Variants in PDE11A observed in about 807,000 individuals in gnomAD.
PDE11A encodes the protein dual 3',5'-cyclic-AMP and -GMP phosphodiesterase 11A.
In PDE11A, 100 loss-of-function variants were observed where a neutral mutation model predicts 100.5. That is an observed-to-expected ratio of 1.00 (90% CI 0.85 to 1.18). PDE11A has a LOEUF of 1.18. Ranked by LOEUF, PDE11A falls within the 50% of genes most tolerant of loss-of-function variation. PDE11A has a pLI of 0.00. For missense variants in PDE11A, 1,141 were observed against 1,152.6 expected (o/e 0.99, Z 0.15); for synonymous variants, 381 against 420.8 (o/e 0.91, Z 1.16).
At chr2:177,663,175 C>A (rs890986352) in intron 19 of PDE11A, among the ~76,000 whole-genome samples, 34 of 150,934 alleles carry the variant, frequency 2.3e-4, no homozygotes, top group African/African-American at 7.5e-4. Flanking sequence ...GATCCGCACT[C>A]AAAAAGTGCA....
chr2:177,736,803 C>A (rs2081790955), intron 10 of PDE11A, among the ~76,000 whole-genome samples: 2 of 152,202 alleles, frequency 1.3e-5, no homozygotes, highest in Non-Finnish European at 2.9e-5. Flanking sequence ...TTCACCAGCT[C>A]TTCCTCCCAT....
chr2:177,990,879 A>C (rs977133973), intron 2 of PDE11A, among the ~76,000 whole-genome samples: 1 of 150,854 alleles, frequency 6.6e-6, no homozygotes, highest in Non-Finnish European at 1.5e-5. Flanking sequence ...CTGCAGTCCC[A>C]GCTACTTGGG....
At chr2:177,797,169 C>T (rs1327723873) in intron 9 of PDE11A, 1 of 152,200 alleles carries the variant, frequency 6.6e-6, no homozygotes, top group Non-Finnish European at 1.5e-5. Context: ...TACCTTGGCT[C>T]TCCTCCCACT....
intron 4 of PDE11A, among the ~76,000 whole-genome samples, chr2:177,878,136 A>C (rs2084270750): frequency 6.6e-6 from 1 of 152,230 alleles, no homozygotes; most frequent in Non-Finnish European, 1.5e-5. Flanking sequence ...ACAATAGCTC[A>C]ACTGCAAGGA....
chr2:177,769,337 C>T lies in PDE11A; in HGVS notation c.1774G>A (p.Val592Ile), dbSNP rs1307070302. The T allele has an allele frequency of 6.3e-7, 1 of 1,599,650 alleles. No individual in the cohort carries two copies. The highest frequency in any genetic ancestry group is 1.3e-5 in the African/African-American group (1 of 74,562). The change falls in exon 10 of 20, where the codon GTT (valine) becomes ATT (isoleucine). Residue 592 changes from valine (V) to isoleucine (I), a missense_variant. By Grantham distance (29) the Val-to-Ile change is conservative (BLOSUM62 3). Coordinates refer to ENST00000286063, the MANE Select transcript of PDE11A (RefSeq NM_016953.4). Reference sequence around the variant, plus strand: ...TTCTTCCTTACCTTAAACTTGTCAACTTCAGCTTTTGAACATGTTGCATGG... The same window carrying T: ...TTCTTCCTTACCTTAAACTTGTCAATTTCAGCTTTTGAACATGTTGCATGG... ...SYHATCSKAE[V>I]DKFKAANIPL... is the part of the protein sequence containing the mutation.
intron 19 of PDE11A, among the ~76,000 whole-genome samples, chr2:177,633,063 T>A (rs2079979607): frequency 6.6e-6 from 1 of 152,364 alleles, no homozygotes; most frequent in South Asian, 2.1e-4. Flanking sequence ...AGTTGTGAGA[T>A]TATTAGCCTA....
chr2:177,942,039 C>G (rs1390115408), intron 2 of PDE11A, among the ~76,000 whole-genome samples: 1 of 152,152 alleles, frequency 6.6e-6, no homozygotes, highest in Non-Finnish European at 1.5e-5. Context: ...GTAATGAGGG[C>G]CTTCCTTTCC....
chr2:177,935,610 C>A (rs13427600), intron 2 of PDE11A, among the ~76,000 whole-genome samples: 5,792 of 152,188 alleles, frequency 0.038, 380 homozygotes, highest in African/African-American at 0.13. Context: ...AGGTGGGGCC[C>A]TTGCCTCACC....
intron 15 of PDE11A, 133 bp downstream of exon 15, chr2:177,697,199 A>G: frequency 1.5e-6 from 1 of 675,638 alleles, no homozygotes; most frequent in Non-Finnish European, 2.7e-6. Flanking sequence ...GAGAGAAACA[A>G]CAACAAAAAA....
chr2:177,734,754 C>T (rs1350842193), intron 10 of PDE11A, among the ~76,000 whole-genome samples: 2 of 152,144 alleles, frequency 1.3e-5, no homozygotes, highest in African/African-American at 4.8e-5. Flanking sequence ...AAATAATGCA[C>T]ACAAGAGCCT....
intron 2 of PDE11A, among the ~76,000 whole-genome samples, chr2:177,956,016 T>C (rs1480781901): frequency 1.3e-5 from 2 of 151,514 alleles, no homozygotes; most frequent in African/African-American, 4.8e-5. Flanking sequence ...ACTTCATGTC[T>C]AAAACACCAA....
At chr2:177,690,383 C>T (rs1284985859) in intron 15 of PDE11A, among the ~76,000 whole-genome samples, 2 of 152,128 alleles carry the variant, frequency 1.3e-5, no homozygotes, top group South Asian at 2.1e-4. Flanking sequence ...GTTGGTTGAG[C>T]GCAGGCAACT....
rs535621588 is a variant in PDE11A, at chr2:177,908,705, G to T, written c.1072-3518C>A. On this transcript the variant is annotated intron_variant, in intron 2 of 19. Coordinates refer to ENST00000286063, the MANE Select transcript of PDE11A (RefSeq NM_016953.4). ...AAATGAATCAGGGACCAGGAACCAG[G>T]CTGTGTTCCACACATGGCTAGAGAG... is the stretch of plus-strand genomic sequence containing the variant. 1.1e-4 allele frequency among the ~76,000 whole-genome samples: 17 copies of T among 152,260 alleles called. No homozygotes were observed. The East Asian group carries it at 2.3e-3, about 21-fold the overall frequency.
intron 19 of PDE11A, among the ~76,000 whole-genome samples, chr2:177,634,061 T>C (rs2079995050): frequency 6.6e-6 from 1 of 152,146 alleles, no homozygotes; most frequent in Non-Finnish European, 1.5e-5. Context: ...TACCCAAGCA[T>C]TTACTAAATT....
chr2:177,904,100 G>A (rs771108894), intron 3 of PDE11A, among the ~76,000 whole-genome samples: 1 of 152,050 alleles, frequency 6.6e-6, no homozygotes, highest in Admixed American at 6.6e-5. Context: ...TTTGAACATC[G>A]TTTTGTTAAA....
intron 19 of PDE11A, among the ~76,000 whole-genome samples, chr2:177,641,806 G>C (rs1405985191): frequency 6.6e-6 from 1 of 152,118 alleles, no homozygotes; most frequent in African/African-American, 2.4e-5. Flanking sequence ...TCTTTTTTGT[G>C]TTATTTGCAG....
intron 9 of PDE11A, among the ~76,000 whole-genome samples, chr2:177,795,962 T>TATATATAC (rs1203800412): frequency 7.4e-6 from 1 of 135,454 alleles, no homozygotes; most frequent in East Asian, 2.1e-4. Flanking sequence ...TATATATATA[T>TATATATAC]ATATATATAT....
chr2:177,646,461 AT>A (rs2080225609), intron 19 of PDE11A, among the ~76,000 whole-genome samples: 1 of 152,240 alleles, frequency 6.6e-6, no homozygotes, highest in South Asian at 2.1e-4. Flanking sequence ...TGAGATAGCT[AT>A]TATTGGCTCT....
chr2:177,685,874 T>C (rs1171835021), intron 15 of PDE11A, among the ~76,000 whole-genome samples: 1 of 152,148 alleles, frequency 6.6e-6, no homozygotes, highest in Non-Finnish European at 1.5e-5. Flanking sequence ...CCCAAATTCC[T>C]TTCTATAAAA....
Sources: allele counts gnomAD v4.1 joint callset (sites outside exome capture counted in the v4.1 genomes callset), GRCh38; gene constraint gnomAD v4.1.1; transcripts MANE v1.5; gene names NCBI Gene and HGNC (gene_info 2026-07-23, HGNC 2026-07-21).